RNF215: variants seen among roughly 807,000 people sequenced by gnomAD.
RNF215 encodes ring finger protein 215.
In RNF215, 41 loss-of-function variants were observed where a neutral mutation model predicts 44.8. The observed-to-expected ratio is 0.92, with a 90% CI of 0.71 to 1.19. The LOEUF (loss-of-function observed/expected upper bound fraction) is 1.19, where lower values mean the gene tolerates loss of function less well. RNF215 is among the 50% of genes most tolerant of loss of function. RNF215 has a pLI of 0.00. For synonymous variants in RNF215, 218 were observed against 230.1 expected (o/e 0.95, Z 0.48); for missense variants, 452 against 496.2 (o/e 0.91, Z 0.85).
Position 30,380,520 on chromosome 22 carries a change from C to G in RNF215, c.745-119G>C, listed in dbSNP as rs942714891. ...TGAGGTATGCTGACGGCCTCTGTGT[C>G]CCTGCAGTCCCCAGCTTCCTCTTCT... On this transcript the variant is annotated intron_variant, in intron 5 of 8. Coordinates refer to ENST00000382363, the MANE Select transcript of RNF215 (RefSeq NM_001017981.2). The surrounding 1 kb of genome is among the most constrained non-coding windows in gnomAD (Gnocchi z 5.3). The G allele has an allele frequency of 4.1e-6, 5 of 1,228,770 alleles. No individual in the cohort carries two copies. The highest frequency in any genetic ancestry group is 1.6e-5 in the South Asian group (1 of 64,180). The allele number at this position is 1,228,770 out of a possible 1,614,324, so 76.1% of individuals were successfully genotyped here. A position where few individuals can be genotyped will look rare whatever the true frequency, so the allele number is the denominator to read the frequency against.
chr22:30,381,837 TCTC>T (rs1378530799), intron 5 of RNF215, among the ~76,000 whole-genome samples: 1 of 152,074 alleles, frequency 6.6e-6, no homozygotes, highest in Admixed American at 6.5e-5. Flanking sequence ...TGCTCTCTTC[TCTC>T]CTCCAGCTGC....
At chr22:30,384,297 A>G in intron 5 of RNF215, 42 bp downstream of exon 5, 1 of 1,587,958 alleles carries the variant, frequency 6.3e-7, no homozygotes, top group Non-Finnish European at 8.6e-7. Context: ...TGGCCCCACG[A>G]GCCTCCTTTC....
chr22:30,379,860 C>A, intron 7 of RNF215, 47 bp from the exon 8 acceptor site: 1 of 1,549,832 alleles, frequency 6.5e-7, no homozygotes. Context: ...AGCAGGACTC[C>A]ACGTGGGGGT....
At chr22:30,384,786 AT>A in intron 4 of RNF215, 3 of 297,748 alleles carry the variant, frequency 1.0e-5, no homozygotes, top group Admixed American at 4.8e-5. Context: ...CCCCTCACCC[AT>A]TTTTCAGCCT....
chr22:30,385,112 C>T (rs1298891991), intron 4 of RNF215, among the ~76,000 whole-genome samples: 2 of 152,042 alleles, frequency 1.3e-5, no homozygotes, highest in African/African-American at 2.4e-5. Context: ...CATTCCCAGC[C>T]GAGAGGGCAG....
rs1486626157 is a variant in RNF215, at chr22:30,387,076, C to G, written c.238G>C (p.Gly80Arg). The G allele has an allele frequency of 1.3e-6, 2 of 1,540,820 alleles. No homozygotes were observed. The highest frequency in any genetic ancestry group is 1.2e-5 in the South Asian group (1 of 84,326). Residue 80 changes from glycine to arginine, a missense_variant, in exon 1 of 9, where the codon GGC (glycine) becomes CGC (arginine). Coordinates refer to ENST00000382363, the MANE Select transcript of RNF215 (RefSeq NM_001017981.2). ...AGGGGCGCCGGGTCGGCTTCGGAGC[C>G]GATCCTGACGCCCTCCAGGACCAGA... ...DALVLEGVRI[G>R]SEADPAPLLG... is the part of the protein sequence containing the mutation.
At chr22:30,385,491 GGCA>G (rs977669768) in intron 4 of RNF215, among the ~76,000 whole-genome samples, 1 of 150,520 alleles carries the variant, frequency 6.6e-6, no homozygotes, top group African/African-American at 2.4e-5. Context: ...TGGCAGCAGG[GGCA>G]GCAGCAGCAG....
In RNF215 at chr22:30,380,299, G is replaced by A. The variant is rs1197773826; in HGVS notation, c.847C>T (p.Arg283Trp). 15 of 1,610,606 alleles carry A rather than the reference G, an allele frequency of 9.3e-6. No individual in the cohort carries two copies. The highest frequency in any genetic ancestry group is 1.7e-5 in the Admixed American group (1 of 59,838). Reference sequence around the variant, plus strand: ...GCTCCCACCTGGCCTCCGAGCTCCCGCTGGCTCTGCCGCGACGCCTGCCGC... The same window carrying A: ...GCTCCCACCTGGCCTCCGAGCTCCCACTGGCTCTGCCGCGACGCCTGCCGC... ...AQRQASRQSQRELGGQVDLFK... is the reference protein window; with the variant it reads ...AQRQASRQSQWELGGQVDLFK... The change falls in exon 6 of 9, where the codon CGG (arginine) becomes TGG (tryptophan). Residue 283 changes from arginine to tryptophan, a missense_variant. Transcript: ENST00000382363. The surrounding 1 kb of genome is among the most constrained non-coding windows in gnomAD (Gnocchi z 5.3).
In RNF215 at chr22:30,384,472, A is replaced by G. The variant is rs774551999; in HGVS notation, c.611T>C (p.Ile204Thr). The change falls in exon 5 of 9, where the codon ATC (isoleucine) becomes ACC (threonine). Residue 204 changes from isoleucine to threonine, a missense_variant. Transcript: ENST00000382363. ...LLQRTQATAE[I>T]TSGESLSANI... ...GGCAGACAGGGACTCTCCGCTGGTG[A>G]TCTCAGCCGTGGCCTGGGTCCTCCT... is the stretch of plus-strand genomic sequence containing the variant. The G allele has an allele frequency of 6.2e-7, 1 of 1,613,876 alleles. No homozygotes were observed. The highest frequency in any genetic ancestry group is 8.5e-7 in the Non-Finnish European group (1 of 1,179,918).
chr22:30,379,810 G>T lies in RNF215; in HGVS notation c.1012C>A (p.Leu338Ile). Residue 338 changes from leucine to isoleucine, a missense_variant, in exon 8 of 9, where the codon CTC (leucine) becomes ATC (isoleucine). Coordinates refer to ENST00000382363, the MANE Select transcript of RNF215 (RefSeq NM_001017981.2). ...TCGTGCTTACAGGGCAGCACCCGGAGCCACTACAGGGGTGGGGGAGGAAGG... is the reference window on the plus strand; with the variant it reads ...TCGTGCTTACAGGGCAGCACCCGGATCCACTACAGGGGTGGGGGAGGAAGG... ...CLDYFCNKQW[L>I]RVLPCKHEFH... is the part of the protein sequence containing the mutation. 6.4e-7 allele frequency: 1 copy of T among 1,572,302 alleles called. No individual in the cohort carries two copies.
chr22:30,381,597 T>C (rs1933530426), intron 5 of RNF215, among the ~76,000 whole-genome samples: 1 of 152,166 alleles, frequency 6.6e-6, no homozygotes, highest in Non-Finnish European at 1.5e-5. Context: ...ACTTCAAAGC[T>C]CTCTGCAGCT....
At chr22:30,384,767 C>G (rs1446772381) in intron 4 of RNF215, 7 of 354,234 alleles carry the variant, frequency 2.0e-5, no homozygotes, top group Non-Finnish European at 3.6e-5. Context: ...TCTGGCACCT[C>G]CTTCCCATCC....
rs5997629 is a variant in RNF215, at chr22:30,386,100, A to G, written c.471T>C (p.Leu157=). The G allele has an allele frequency of 0.32, 507,228 of 1,605,620 alleles. 81,516 individuals carry two copies. The highest frequency in any genetic ancestry group is 0.4 in the South Asian group (35,908 of 90,498). Residue 157 remains leucine (L), a synonymous_variant, in exon 3 of 9, where the codon CTT becomes CTC. Coordinates refer to ENST00000382363, the MANE Select transcript of RNF215 (RefSeq NM_001017981.2). The part of the protein sequence containing the change: ...ALFLGASALL[L]LILNHNVVRE... ...GGACCACGTTGTGGTTCAGGATGAG[A>G]AGAAGCAGGGCAGAGGCACCCAGGA...
chr22:30,382,926 AC>A (rs371590241), intron 5 of RNF215, among the ~76,000 whole-genome samples: 27 of 152,258 alleles, frequency 1.8e-4, no homozygotes, highest in African/African-American at 6.5e-4. Context: ...ACATAGTGAA[AC>A]CCCATCTCTA....
At position 30,379,621 on chromosome 22, in the gene RNF215, C is replaced by T. The variant is rs1410671120; in HGVS notation, c.1113G>A (p.Gly371=). The T allele has an allele frequency of 1.3e-6, 2 of 1,551,396 alleles. No individual in the cohort carries two copies. Among genetic ancestry groups the T allele is most frequent in the Admixed American group, 3.9e-5 (2 of 51,008 alleles). The change falls in exon 9 of 9, where the codon GGG becomes GGA. Residue 371 remains glycine, a splice_region_variant and synonymous_variant. Transcript: ENST00000382363. The part of the protein sequence containing the change: ...TCPLCKFNVL[G]NRYSDD ...GCAGCTAATCATCGGAGTAGCGGTT[C>T]CCTGCAGGGGAGGGGAAGAAGAACA...
intron 5 of RNF215, 123 bp downstream of exon 5, chr22:30,384,216 G>T: frequency 9.4e-7 from 1 of 1,061,076 alleles, no homozygotes; most frequent in Non-Finnish European, 1.4e-6. Context: ...CACTCCTGTG[G>T]GGTGGGAAAG....
At position 30,380,555 on chromosome 22, in the gene RNF215, G is replaced by A. The variant is rs931123722; in HGVS notation, c.745-154C>T. On this transcript the variant is annotated intron_variant, in intron 5 of 8. Coordinates refer to ENST00000382363, the MANE Select transcript of RNF215 (RefSeq NM_001017981.2). The surrounding 1 kb of genome is among the most constrained non-coding windows in gnomAD (Gnocchi z 5.3). ...CCCAGCTTCCTCTTCTGAAGGCTCC[G>A]TCTCTTCCATTGTGTGCTTCTCAGG... Among the ~76,000 whole-genome samples, 8 of 151,990 alleles carry A rather than the reference G, an allele frequency of 5.3e-5. No homozygotes were observed. The highest frequency in any genetic ancestry group is 3.3e-4 in the Admixed American group (5 of 15,262).
chr22:30,379,537 A>C lies in RNF215; in HGVS notation c.*63T>G. 6.5e-7 allele frequency: 1 copy of C among 1,537,722 alleles called. No homozygotes were observed. The highest frequency in any genetic ancestry group is 8.8e-7 in the Non-Finnish European group (1 of 1,141,290). ...CCATCCTGTCCTGTCCTGGGAGCCC[A>C]GGCTGAGGACCGGGGTGCAGGCAGG... is the stretch of plus-strand genomic sequence containing the variant. On this transcript the variant is annotated 3_prime_UTR_variant, in exon 9 of 9. Transcript: ENST00000382363.
intron 5 of RNF215, among the ~76,000 whole-genome samples, chr22:30,382,391 C>T (rs191918246): frequency 6.8e-4 from 96 of 142,056 alleles, no homozygotes; most frequent in Non-Finnish European, 2.9e-4. Context: ...GCAACAAGAG[C>T]GAAACTCTGT....
Sources: allele counts gnomAD v4.1 joint callset (sites outside exome capture counted in the v4.1 genomes callset), GRCh38; gene constraint gnomAD v4.1.1; non-coding constraint Gnocchi (gnomAD v3.1); transcripts MANE v1.5; gene names NCBI Gene and HGNC (gene_info 2026-07-23, HGNC 2026-07-21).